The following IL16 variants were observed in gnomAD, a reference collection of about 807,000 sequenced individuals.
IL16 encodes the protein interleukin 16.
A neutral mutation model predicts 110.1 loss-of-function variants in IL16; 67 were observed. The observed-to-expected ratio is 0.61, with a 90% CI of 0.50 to 0.75. IL16 has a LOEUF of 0.75. IL16 is among the 30% of genes least tolerant of loss of function. IL16 has a pLI of 0.00. For missense variants in IL16, 1,545 were observed against 1,655.0 expected, an observed-to-expected ratio of 0.93 and a Z score of 1.15; for synonymous variants, 689 against 662.9, an observed-to-expected ratio of 1.04 and a Z score of -0.61.
intron 3 of IL16, 21 bp downstream of exon 3, chr15:81,259,901 T>C (rs1222729365): frequency 6.9e-7 from 1 of 1,443,332 alleles, no homozygotes; most frequent in Admixed American, 1.7e-5. Flanking sequence ...TCCCAACATG[T>C]CTTCAGGAAC....
intron 8 of IL16, 91 bp from the exon 9 acceptor site, chr15:81,282,548 A>AG: frequency 1.1e-6 from 1 of 887,606 alleles, no homozygotes; most frequent in Non-Finnish European, 1.9e-6. Context: ...TGTAATAACC[A>AG]GGGGGCCATG....
chr15:81,297,231 G>A (rs552252847), intron 13 of IL16, among the ~76,000 whole-genome samples, 153 bp downstream of exon 13: 1 of 152,288 alleles, frequency 6.6e-6, no homozygotes, highest in Non-Finnish European at 1.5e-5. Flanking sequence ...TCCAGGTGCT[G>A]GGCAGCAGCA....
rs555572567 is a variant in IL16 at position 81,300,132 on chromosome 15, C to T, written c.2806C>T (p.Pro936Ser). Residue 936 changes from proline to serine, a missense_variant, in exon 14 of 19, where the codon CCT (proline) becomes TCT (serine). This residue lies in a region of IL16 where 1,185 missense variants were observed against 1,238.8 expected (regional missense o/e 0.96). Coordinates refer to ENST00000683961, the MANE Select transcript of IL16 (RefSeq NM_172217.5). The stretch of plus-strand genomic sequence containing the variant: ...GCAGCCCAATCAGAAAACTCTCCCC[C>T]CTGGCCCGGACCCGCTCCTAAGGCT... ...GRQPNQKTLPPGPDPLLRLLS... is the reference protein window; with the variant it reads ...GRQPNQKTLPSGPDPLLRLLS... 1.7e-5 allele frequency: 28 copies of T among 1,606,812 alleles called. 1 individual carries two copies. Among genetic ancestry groups the T allele is most frequent in the South Asian group, 5.5e-5 (5 of 90,424 alleles).
rs561712512 is a variant in IL16, at chr15:81,254,619, G to A, written c.313-5153G>A. 2.0e-5 allele frequency among the ~76,000 whole-genome samples: 3 copies of A among 152,338 alleles called. No homozygotes were observed. The East Asian group carries it at 5.8e-4, about 29-fold the overall frequency. ...ACCTCTGCCCAGGGCCACAGTCTCT[G>A]ATGAGAATAGGGAAAATGTGTTTAG... On this transcript the variant is annotated intron_variant, in intron 2 of 18. Transcript: ENST00000683961.
intron 2 of IL16, among the ~76,000 whole-genome samples, chr15:81,229,892 C>T (rs1350643244): frequency 6.6e-6 from 1 of 152,106 alleles, no homozygotes. Flanking sequence ...TGGAATGAGG[C>T]CCTGTGATGT....
At chr15:81,283,660 C>G (rs1021189083) in intron 9 of IL16, among the ~76,000 whole-genome samples, 2 of 152,100 alleles carry the variant, frequency 1.3e-5, no homozygotes, top group African/African-American at 4.8e-5. Context: ...TAAATAGGAG[C>G]TTTGATGAGG....
At chr15:81,268,994 T>G (rs1353805761) in intron 4 of IL16, among the ~76,000 whole-genome samples, 2 of 152,248 alleles carry the variant, frequency 1.3e-5, no homozygotes, top group Admixed American at 6.5e-5. Context: ...ATTTCCCCTC[T>G]GCAGGGCGGC....
intron 6 of IL16, among the ~76,000 whole-genome samples, chr15:81,274,896 G>T (rs539233392): frequency 1.8e-4 from 28 of 152,242 alleles, no homozygotes; most frequent in African/African-American, 6.5e-4. Context: ...GGAGGGACCT[G>T]CTGTGACCAG....
chr15:81,291,074 A>T (rs1899694961), intron 11 of IL16, among the ~76,000 whole-genome samples: 1 of 152,248 alleles, frequency 6.6e-6, no homozygotes, highest in Non-Finnish European at 1.5e-5. Context: ...CCACTAGAGC[A>T]CAGAGGCTCT....
chr15:81,227,212 A>G (rs943642045), intron 2 of IL16, among the ~76,000 whole-genome samples: 1 of 152,136 alleles, frequency 6.6e-6, no homozygotes, highest in African/African-American at 2.4e-5. Context: ...ACTCAGTCCT[A>G]TTGCAACTTT....
chr15:81,214,538 A>C (rs1359844330), intron 1 of IL16, among the ~76,000 whole-genome samples: 1 of 142,354 alleles, frequency 7.0e-6, no homozygotes, highest in African/African-American at 2.8e-5. Context: ...CCTACTCTCT[A>C]ATTGCCTTTA....
intron 10 of IL16, among the ~76,000 whole-genome samples, chr15:81,287,403 G>C (rs1212175118): frequency 6.6e-6 from 1 of 152,192 alleles, no homozygotes; most frequent in African/African-American, 2.4e-5. Flanking sequence ...ACTATAACAG[G>C]AACCCAGGCT....
At chr15:81,230,584 C>G (rs1242925668) in intron 2 of IL16, among the ~76,000 whole-genome samples, 1 of 152,172 alleles carries the variant, frequency 6.6e-6, no homozygotes, top group African/African-American at 2.4e-5. Context: ...CTTCCCCAAC[C>G]TGAATGGCAT....
chr15:81,186,127 G>A (rs1163967624), intron 1 of IL16, among the ~76,000 whole-genome samples: 2 of 152,182 alleles, frequency 1.3e-5, no homozygotes, highest in African/African-American at 2.4e-5. Context: ...GCCTCGCCCT[G>A]AACCCTGGAA....
intron 16 of IL16, among the ~76,000 whole-genome samples, chr15:81,305,262 G>A (rs1448029177): frequency 6.6e-6 from 1 of 152,178 alleles, no homozygotes; most frequent in East Asian, 1.9e-4. Context: ...GAAATCTGCT[G>A]CCATGCAAAT....
intron 17 of IL16, 86 bp downstream of exon 17, chr15:81,306,252 T>C (rs17875581): frequency 0.023 from 35,832 of 1,542,974 alleles, 683 homozygotes; most frequent in Middle Eastern, 0.024. Context: ...TACTCAGTAA[T>C]TTGTGACCCC....
chr15:81,184,495 C>A (rs997094453), intron 1 of IL16, among the ~76,000 whole-genome samples: 2 of 152,154 alleles, frequency 1.3e-5, no homozygotes, highest in African/African-American at 4.8e-5. Context: ...TTGTGGGCTG[C>A]CCCTGGAATC....
At chr15:81,243,873 A>T (rs1012980274) in intron 2 of IL16, among the ~76,000 whole-genome samples, 1 of 152,130 alleles carries the variant, frequency 6.6e-6, no homozygotes, top group East Asian at 1.9e-4. Context: ...ATCCTTCAGA[A>T]GTCTTCAGGG....
At chr15:81,288,567 C>T (rs906307931) in intron 10 of IL16, among the ~76,000 whole-genome samples, 1 of 152,216 alleles carries the variant, frequency 6.6e-6, no homozygotes. Context: ...GTCTCCAGAA[C>T]TCTTTCCATC....
Sources: allele counts gnomAD v4.1 joint callset (sites outside exome capture counted in the v4.1 genomes callset), GRCh38; gene constraint gnomAD v4.1.1; regional missense constraint gnomAD v4.1.1; transcripts MANE v1.5; gene names NCBI Gene and HGNC (gene_info 2026-07-23, HGNC 2026-07-21).